The following COL9A2 variants were observed in gnomAD, a reference collection of about 807,000 sequenced individuals.
The protein encoded by COL9A2 is collagen alpha-2(IX) chain.
Under a neutral mutation model 111.6 loss-of-function variants are expected in COL9A2, and 66 were observed. That is an observed-to-expected ratio of 0.59 (90% confidence interval 0.48 to 0.73). The LOEUF (loss-of-function observed/expected upper bound fraction) is 0.73, where lower values mean the gene tolerates loss of function less well. Ranked by LOEUF, COL9A2 falls within the 30% of genes least tolerant of loss-of-function variation. COL9A2 has a pLI of 0.00. For missense variants in COL9A2, 881 were observed against 954.1 expected, an observed-to-expected ratio of 0.92 and a Z score of 1.01; for synonymous variants, 353 against 364.1, an observed-to-expected ratio of 0.97 and a Z score of 0.35.
intron 2 of COL9A2, 95 bp downstream of exon 2, chr1:40,315,495 G>C (rs1417291155): frequency 2.0e-6 from 3 of 1,464,762 alleles, no homozygotes; most frequent in South Asian, 1.3e-5. Flanking sequence ...CTACATCTCC[G>C]GGCACCCCGA....
intron 16 of COL9A2, 27 bp from the exon 17 acceptor site, chr1:40,308,272 C>T (rs759649659): frequency 6.2e-7 from 1 of 1,609,512 alleles, no homozygotes; most frequent in South Asian, 1.1e-5. Context: ...GATCAGGTCA[C>T]CCTCAGGATG....
In COL9A2 at chr1:40,303,973, C is replaced by G. The variant is rs1303733917; in HGVS notation, c.1324-1G>C. On this transcript the variant is annotated splice_acceptor_variant, in intron 25 of 31. Coordinates refer to ENST00000372748, the MANE Select transcript of COL9A2 (RefSeq NM_001852.4). LOFTEE classifies it high-confidence loss of function. The surrounding 1 kb of genome is among the most constrained non-coding windows in gnomAD (Gnocchi z 4.6). ...GGAGGCCGGCCACCCCTGGGTCACCCTGCAGAGAGAACCACGGGTCAGACG... is the reference window on the plus strand; with the variant it reads ...GGAGGCCGGCCACCCCTGGGTCACCGTGCAGAGAGAACCACGGGTCAGACG... 1.3e-6 allele frequency: 2 copies of G among 1,566,668 alleles called. No individual in the cohort carries two copies. The highest frequency in any genetic ancestry group is 8.7e-7 in the Non-Finnish European group (1 of 1,155,220).
At position 40,301,813 on chromosome 1, in the gene COL9A2, T is replaced by A. The variant is rs1263550669; in HGVS notation, c.1869A>T (p.Pro623=). The A allele has an allele frequency of 1.2e-6, 2 of 1,613,858 alleles. No homozygotes were observed. The highest frequency in any genetic ancestry group is 1.7e-6 in the Non-Finnish European group (2 of 1,179,866). ...HPGMPGPPGI[P]GLPGRPGQAI... ...AGCTGGGCAGGGCCAATGGCTTACC[T>A]GGGATCCCTGGGGGCCCAGGCATCC... Residue 623 remains proline (P), a splice_region_variant and synonymous_variant, in exon 31 of 32, where the codon CCA becomes CCT. Coordinates refer to ENST00000372748, the MANE Select transcript of COL9A2 (RefSeq NM_001852.4).
In COL9A2 at chr1:40,316,530, C is replaced by T. The variant is rs1197523970; in HGVS notation, c.75+593G>A. The T allele has an allele frequency of 2.2e-6, 1 of 446,068 alleles. No individual in the cohort carries two copies. Among genetic ancestry groups the T allele is most frequent in the Non-Finnish European group, 4.5e-6 (1 of 222,542 alleles). 27.6% of individuals were successfully genotyped at this position (446,068 alleles called of 1,614,324 possible). A position where few individuals can be genotyped will look rare whatever the true frequency, so the allele number is the denominator to read the frequency against. ...AGGCGGCCCTTTTAAGAGGCCAGCT[C>T]GGACCCAGGCAGGGGTCCCGGTGCC... On this transcript the variant is annotated intron_variant, in intron 1 of 31. Transcript: ENST00000372748. The surrounding 1 kb of genome is among the most constrained non-coding windows in gnomAD (Gnocchi z 5.5).
chr1:40,306,201 T>C lies in COL9A2; in HGVS notation c.1009-14A>G. On this transcript the variant is annotated splice_polypyrimidine_tract_variant and intron_variant, in intron 19 of 31. Transcript: ENST00000372748. The stretch of plus-strand genomic sequence containing the variant: ...GCCTGGCACACCCTGCAGAAAGAAG[T>C]TGAAGTCAGTTTCTGCCCTGGCATG... 6.2e-7 allele frequency: 1 copy of C among 1,614,174 alleles called. No individual in the cohort carries two copies. Among genetic ancestry groups the C allele is most frequent in the Non-Finnish European group, 8.5e-7 (1 of 1,180,018 alleles).
rs1054647839 is a variant in COL9A2 at position 40,303,342 on chromosome 1, G to A, written c.1549-157C>T. On this transcript the variant is annotated intron_variant, in intron 28 of 31. Transcript: ENST00000372748. The surrounding 1 kb of genome is among the most constrained non-coding windows in gnomAD (Gnocchi z 4.6). Reference sequence around the variant, plus strand: ...AGATTGTACCTGGGCAGGGCCAAGGGCTTACTTGGGAAGGTCGCGGGGTAA... The same window carrying A: ...AGATTGTACCTGGGCAGGGCCAAGGACTTACTTGGGAAGGTCGCGGGGTAA... Among the ~76,000 whole-genome samples, 1 of 152,146 alleles carries A rather than the reference G, an allele frequency of 6.6e-6. No individual in the cohort carries two copies. Among genetic ancestry groups the A allele is most frequent in the African/African-American group, 2.4e-5 (1 of 41,422 alleles).
rs561657830 is a variant in COL9A2, at chr1:40,300,960, C to T, written c.*222G>A. 7 of 558,208 alleles carry T rather than the reference C, an allele frequency of 1.3e-5. No homozygotes were observed. Among genetic ancestry groups the T allele is most frequent in the African/African-American group, 7.5e-5 (4 of 53,274 alleles). The allele number at this position is 558,208 out of a possible 1,614,324, so 34.6% of individuals were successfully genotyped here. On this transcript the variant is annotated 3_prime_UTR_variant, in exon 32 of 32. Transcript: ENST00000372748. The surrounding 1 kb of genome is among the most constrained non-coding windows in gnomAD (Gnocchi z 4.4). Reference sequence around the variant, plus strand: ...TATTCCTTCAGCGCTTCGACTCCATCGACACCACTTGCCCTGTGTGTTGGC... The same window carrying T: ...TATTCCTTCAGCGCTTCGACTCCATTGACACCACTTGCCCTGTGTGTTGGC...
At position 40,303,158 on chromosome 1, in the gene COL9A2, C is replaced by T. The variant is rs141556170; in HGVS notation, c.1576G>A (p.Val526Met). 284 of 1,612,860 alleles carry T rather than the reference C, an allele frequency of 1.8e-4. No individual in the cohort carries two copies. In the African/African-American group the frequency reaches 3.6e-3, roughly 20 times the overall value. ...TGCAGCATCTTCAGCGCCACATCCA[C>T]GATGTGCTGGTCAGTGGCATCCCGG... is the stretch of plus-strand genomic sequence containing the variant. The part of the protein sequence containing the change: ...EGRDATDQHI[V>M]DVALKMLQEQ... The change falls in exon 29 of 32, where the codon GTG (valine) becomes ATG (methionine). Residue 526 changes from valine to methionine, a missense_variant. By Grantham distance (21) the Val-to-Met change is conservative. Coordinates refer to ENST00000372748, the MANE Select transcript of COL9A2 (RefSeq NM_001852.4). The surrounding 1 kb of genome is among the most constrained non-coding windows in gnomAD (Gnocchi z 4.6).
rs986664182 is a variant in COL9A2 at position 40,317,174 on chromosome 1, G to A, written c.24C>T (p.Pro8=). 6.3e-7 allele frequency: 1 copy of A among 1,589,088 alleles called. No homozygotes were observed. The highest frequency in any genetic ancestry group is 1.1e-5 in the South Asian group (1 of 87,252). Residue 8 remains proline (P), a synonymous_variant, in exon 1 of 32, where the codon CCC becomes CCT. Coordinates refer to ENST00000372748, the MANE Select transcript of COL9A2 (RefSeq NM_001852.4). This position sits in a 1 kb window ranked among gnomAD's most constrained non-coding sequence, Gnocchi z 4.3. MAAATAS[P]RSLLVLLQVV... ...CCTGGAGGAGAACAAGGAGGCTGCG[G>A]GGGGAGGCCGTAGCGGCGGCCATGG...
intron 16 of COL9A2, among the ~76,000 whole-genome samples, chr1:40,309,734 CAG>C (rs1644088473): frequency 6.6e-6 from 1 of 151,832 alleles, no homozygotes; most frequent in South Asian, 2.1e-4. Flanking sequence ...CACACACTCA[CAG>C]ACAGCCTCAC....
In COL9A2 at chr1:40,303,680, CG is replaced by C. The variant is rs1388302123; in HGVS notation, c.1402-5del. 3.1e-6 allele frequency: 4 copies of C among 1,307,708 alleles called. No homozygotes were observed. The highest frequency in any genetic ancestry group is 4.0e-6 in the Non-Finnish European group (4 of 998,578). The allele number at this position is 1,307,708 out of a possible 1,614,324, so 81.0% of individuals were successfully genotyped here. A position where few individuals can be genotyped will look rare whatever the true frequency, so the allele number is the denominator to read the frequency against. ...CGGGTTCTCCACGTACTCCTTGCTG[CG>C]GGGGGATGGGGGTGGGAGCAGAGCC... is the stretch of plus-strand genomic sequence containing the variant. On this transcript the variant is annotated splice_region_variant and splice_polypyrimidine_tract_variant and intron_variant, in intron 27 of 31. Transcript: ENST00000372748. This position sits in a 1 kb window ranked among gnomAD's most constrained non-coding sequence, Gnocchi z 4.6.
chr1:40,317,120 T>TA lies in COL9A2; in HGVS notation c.75+2dup, dbSNP rs2124112502. ...CTGGCAGCGGAGGGGCTGCGAAACT[T>TA]ACAATCTGCGCCAGAGCGAGCACTA... On this transcript the variant is annotated splice_region_variant and intron_variant, in intron 1 of 31. Transcript: ENST00000372748. The surrounding 1 kb of genome is among the most constrained non-coding windows in gnomAD (Gnocchi z 4.3). 1 of 1,571,460 alleles carries TA rather than the reference T, an allele frequency of 6.4e-7. No individual in the cohort carries two copies. Among genetic ancestry groups the TA allele is most frequent in the Non-Finnish European group, 8.6e-7 (1 of 1,158,852 alleles).
At position 40,302,939 on chromosome 1, in the gene COL9A2, T is replaced by A; in HGVS notation, c.1604-130A>T. On this transcript the variant is annotated intron_variant, in intron 29 of 31. Coordinates refer to ENST00000372748, the MANE Select transcript of COL9A2 (RefSeq NM_001852.4). This position sits in a 1 kb window ranked among gnomAD's most constrained non-coding sequence, Gnocchi z 4.5. ...GCAGACAGAAAAGCACCACCTTCCG[T>A]GGGCTCTGTTTTGCGGAAGTCAAAG... is the stretch of plus-strand genomic sequence containing the variant. 3.5e-6 allele frequency: 4 copies of A among 1,145,790 alleles called. No individual in the cohort carries two copies. Among genetic ancestry groups the A allele is most frequent in the Non-Finnish European group, 5.0e-6 (4 of 793,894 alleles). 71.0% of individuals were successfully genotyped at this position (1,145,790 alleles called of 1,614,324 possible).
At chr1:40,301,406 A>C (rs760269057) in intron 31 of COL9A2, 25 bp from the exon 32 acceptor site, 1 of 1,589,318 alleles carries the variant, frequency 6.3e-7, no homozygotes, top group African/African-American at 1.4e-5. Context: ...AAGTCAAGAC[A>C]TTAGGGGCAC....
rs1380990324 is a variant in COL9A2 at position 40,314,087 on chromosome 1, C to G, written c.249+118G>C. The G allele has an allele frequency of 1.8e-6, 2 of 1,122,426 alleles. No homozygotes were observed. Among genetic ancestry groups the G allele is most frequent in the East Asian group, 4.7e-5 (2 of 42,454 alleles). The allele number at this position is 1,122,426 out of a possible 1,614,324, so 69.5% of individuals were successfully genotyped here. A position where few individuals can be genotyped will look rare whatever the true frequency, so the allele number is the denominator to read the frequency against. On this transcript the variant is annotated intron_variant, in intron 4 of 31. Coordinates refer to ENST00000372748, the MANE Select transcript of COL9A2 (RefSeq NM_001852.4). The surrounding 1 kb of genome is among the most constrained non-coding windows in gnomAD (Gnocchi z 4.1). ...ATATCAAGGTGAGGGGGGCTCACAG[C>G]TGGAGAATCTCCATCCTGCTGCCCA...
In COL9A2 at chr1:40,314,090, G is replaced by T; in HGVS notation, c.249+115C>A. The T allele has an allele frequency of 8.7e-7, 1 of 1,151,636 alleles. No homozygotes were observed. 71.3% of individuals were successfully genotyped at this position (1,151,636 alleles called of 1,614,324 possible). On this transcript the variant is annotated intron_variant, in intron 4 of 31. Coordinates refer to ENST00000372748, the MANE Select transcript of COL9A2 (RefSeq NM_001852.4). This position sits in a 1 kb window ranked among gnomAD's most constrained non-coding sequence, Gnocchi z 4.1. The stretch of plus-strand genomic sequence containing the variant: ...TCAAGGTGAGGGGGGCTCACAGCTG[G>T]AGAATCTCCATCCTGCTGCCCATCT...
rs893118099 is a variant in COL9A2 at position 40,310,620 on chromosome 1, C to A, written c.684+94G>T. The A allele has an allele frequency of 3.2e-5, 38 of 1,169,530 alleles. No individual in the cohort carries two copies. The Admixed American group carries it at 7.5e-4, about 23-fold the overall frequency. 72.4% of individuals were successfully genotyped at this position (1,169,530 alleles called of 1,614,324 possible). A position where few individuals can be genotyped will look rare whatever the true frequency, so the allele number is the denominator to read the frequency against. Reference sequence around the variant, plus strand: ...TGCTCCCAGCTAGACACAGGTGTCTCTTTTACAAGCTAGAGGCCTGAGCAG... The same window carrying A: ...TGCTCCCAGCTAGACACAGGTGTCTATTTTACAAGCTAGAGGCCTGAGCAG... On this transcript the variant is annotated intron_variant, in intron 13 of 31. Transcript: ENST00000372748. The surrounding 1 kb of genome is among the most constrained non-coding windows in gnomAD (Gnocchi z 4.9).
In COL9A2 at chr1:40,317,103, G is replaced by C. The variant is rs956291031; in HGVS notation, c.75+20C>G. On this transcript the variant is annotated intron_variant, in intron 1 of 31. Transcript: ENST00000372748. This position sits in a 1 kb window ranked among gnomAD's most constrained non-coding sequence, Gnocchi z 4.3. The stretch of plus-strand genomic sequence containing the variant: ...ACCCCGCACCCTGGACCCTGGCAGC[G>C]GAGGGGCTGCGAAACTTACAATCTG... 15 of 1,557,448 alleles carry C rather than the reference G, an allele frequency of 9.6e-6. No individual in the cohort carries two copies. The highest frequency in any genetic ancestry group is 3.3e-4 in the Middle Eastern group (2 of 5,994).
chr1:40,310,215 AGAAGGCAGCTCCTG>A lies in COL9A2; in HGVS notation c.738+35_738+48del, dbSNP rs1368202441. Reference sequence around the variant, plus strand: ...CAGTCCTGGCTGAACTCCAGGGGCCAGAAGGCAGCTCCTGGAAGCTCTTGTAGAACACCCCAAGA... The same window carrying A: ...CAGTCCTGGCTGAACTCCAGGGGCCAGAAGCTCTTGTAGAACACCCCAAGA... On this transcript the variant is annotated intron_variant, in intron 14 of 31. Transcript: ENST00000372748. The surrounding 1 kb of genome is among the most constrained non-coding windows in gnomAD (Gnocchi z 4.9). 6.2e-7 allele frequency: 1 copy of A among 1,613,600 alleles called. No individual in the cohort carries two copies. The highest frequency in any genetic ancestry group is 8.5e-7 in the Non-Finnish European group (1 of 1,179,474).
Sources: allele counts gnomAD v4.1 joint callset (sites outside exome capture counted in the v4.1 genomes callset), GRCh38; gene constraint gnomAD v4.1.1; non-coding constraint Gnocchi (gnomAD v3.1); transcripts MANE v1.5; gene names NCBI Gene and HGNC (gene_info 2026-07-23, HGNC 2026-07-21).